DEDD2: variants seen among roughly 807,000 people sequenced by gnomAD.
The protein encoded by DEDD2 is death effector domain containing 2, also known as DNA-binding death effector domain-containing protein 2.
DEDD2 carries 18 observed loss-of-function variants against 28.9 expected under a neutral mutation model. The observed-to-expected ratio is 0.62, with a 90% CI of 0.43 to 0.92. The LOEUF is 0.92. Ranked by LOEUF, DEDD2 falls within the 40% of genes least tolerant of loss-of-function variation. DEDD2 has a pLI of 0.00. For missense variants in DEDD2, 411 were observed against 463.3 expected (o/e 0.89, Z 1.04); for synonymous variants, 211 against 206.1 (o/e 1.02, Z -0.20).
chr19:42,220,059 G>C (rs2036102180), upstream of DEDD2: 1 of 152,278 alleles, frequency 6.6e-6, no homozygotes. Flanking sequence ...TTCACTCCAT[G>C]GGCCCAACGC....
chr19:42,217,174 CT>C (rs1011972666), intron 1 of DEDD2, 129 bp from the exon 2 acceptor site: 3 of 674,396 alleles, frequency 4.4e-6, no homozygotes, highest in African/African-American at 3.7e-5. Context: ...CCGCCTCGGC[CT>C]CCCCCTCCCC....
intron 3 of DEDD2, 115 bp from the exon 4 acceptor site, chr19:42,209,955 T>C: frequency 1.5e-6 from 2 of 1,334,602 alleles, no homozygotes; most frequent in East Asian, 2.8e-5. Flanking sequence ...AGTGAGCCAG[T>C]CTGCCTCCCT....
At position 42,199,957 on chromosome 19, in the gene DEDD2, C is replaced by T; in HGVS notation, c.590-128G>A. The T allele has an allele frequency of 7.3e-7, 1 of 1,374,682 alleles. No individual in the cohort carries two copies. Among genetic ancestry groups the T allele is most frequent in the Non-Finnish European group, 9.7e-7 (1 of 1,031,340 alleles). 85.2% of individuals were successfully genotyped at this position (1,374,682 alleles called of 1,614,324 possible). A position where few individuals can be genotyped will look rare whatever the true frequency, so the allele number is the denominator to read the frequency against. ...CGGTAGCCACACCCTAGTCCTGACA[C>T]AGCCTCCCCGGCTCTGTGGGGTTCC... On this transcript the variant is annotated intron_variant, in intron 4 of 4. Coordinates refer to ENST00000596251, the MANE Select transcript of DEDD2 (RefSeq NM_133328.4). This position sits in a 1 kb window ranked among gnomAD's most constrained non-coding sequence, Gnocchi z 7.4.
chr19:42,199,859 G>A lies in DEDD2; in HGVS notation c.590-30C>T, dbSNP rs1233421675. The A allele has an allele frequency of 1.3e-6, 2 of 1,558,484 alleles. No homozygotes were observed. Among genetic ancestry groups the A allele is most frequent in the South Asian group, 1.2e-5 (1 of 84,624 alleles). ...AGGGGAAGGAGGGATTTGTCAGGGA[G>A]GGGGCCAACACTAGACACACTTATG... On this transcript the variant is annotated intron_variant, in intron 4 of 4. Coordinates refer to ENST00000596251, the MANE Select transcript of DEDD2 (RefSeq NM_133328.4). This position sits in a 1 kb window ranked among gnomAD's most constrained non-coding sequence, Gnocchi z 7.4.
Position 42,206,298 on chromosome 19 carries a change from G to A in DEDD2, c.589+3402C>T, listed in dbSNP as rs2035531861. On this transcript the variant is annotated intron_variant, in intron 4 of 4. Coordinates refer to ENST00000596251, the MANE Select transcript of DEDD2 (RefSeq NM_133328.4). ...TTGCCATCCTCCACGCTGCCCTTGA[G>A]CACTGGCACATCCCACTTGGGCCTG... is the stretch of plus-strand genomic sequence containing the variant. Among the ~76,000 whole-genome samples, 3 of 151,864 alleles carry A rather than the reference G, an allele frequency of 2.0e-5. No homozygotes were observed. The South Asian group carries it at 6.2e-4, about 32-fold the overall frequency.
intron 4 of DEDD2, chr19:42,201,825 G>A (rs2035342260): frequency 2.5e-6 from 1 of 394,490 alleles, no homozygotes; most frequent in Non-Finnish European, 4.5e-6. Context: ...TCTCTACCCA[G>A]ACGACCAGAT....
chr19:42,199,962 T>TC lies in DEDD2; in HGVS notation c.590-134dup. ...GCCACACCCTAGTCCTGACACAGCC[T>TC]CCCCGGCTCTGTGGGGTTCCCTGAC... On this transcript the variant is annotated intron_variant, in intron 4 of 4. Transcript: ENST00000596251. This position sits in a 1 kb window ranked among gnomAD's most constrained non-coding sequence, Gnocchi z 7.4. 1 of 1,351,930 alleles carries TC rather than the reference T, an allele frequency of 7.4e-7. No individual in the cohort carries two copies. Among genetic ancestry groups the TC allele is most frequent in the Non-Finnish European group, 9.9e-7 (1 of 1,012,090 alleles). 83.7% of individuals were successfully genotyped at this position (1,351,930 alleles called of 1,614,324 possible). A position where few individuals can be genotyped will look rare whatever the true frequency, so the allele number is the denominator to read the frequency against.
chr19:42,208,578 C>G (rs572826957), intron 4 of DEDD2, among the ~76,000 whole-genome samples: 4 of 152,366 alleles, frequency 2.6e-5, no homozygotes, highest in African/African-American at 9.6e-5. Context: ...CTGCTCAAAA[C>G]CCACTGCCAG....
chr19:42,217,153 C>G, intron 1 of DEDD2, 108 bp from the exon 2 acceptor site: 3 of 820,440 alleles, frequency 3.7e-6, no homozygotes, highest in Non-Finnish European at 5.7e-6. Flanking sequence ...GGGCCGCTCC[C>G]GCACCCCCAA....
chr19:42,212,425 G>A (rs1410845303), intron 3 of DEDD2, among the ~76,000 whole-genome samples: 1 of 150,506 alleles, frequency 6.6e-6, no homozygotes, highest in South Asian at 2.1e-4. Flanking sequence ...TCGTTCTGTT[G>A]CCCGGGCTGG....
chr19:42,210,867 G>A (rs981517961), intron 3 of DEDD2, among the ~76,000 whole-genome samples: 14 of 151,812 alleles, frequency 9.2e-5, no homozygotes, highest in Middle Eastern at 3.4e-3. Flanking sequence ...TCAGGAGTTC[G>A]AGACCAGTTT....
At chr19:42,215,000 A>AACACACAC (rs35862480) in intron 3 of DEDD2, 133 bp downstream of exon 3, 30 of 1,041,408 alleles carry the variant, frequency 2.9e-5, no homozygotes, top group East Asian at 5.4e-5. Context: ...TGTAGCAATA[A>AACACACAC]ACACACACAC....
At chr19:42,212,228 T>C (rs1366987333) in intron 3 of DEDD2, among the ~76,000 whole-genome samples, 1 of 151,336 alleles carries the variant, frequency 6.6e-6, no homozygotes. Flanking sequence ...CAGCTGGATA[T>C]GGTGGTGTGT....
chr19:42,199,298 G>T lies in DEDD2; in HGVS notation c.*140C>A. On this transcript the variant is annotated 3_prime_UTR_variant, in exon 5 of 5. Transcript: ENST00000596251. This position sits in a 1 kb window ranked among gnomAD's most constrained non-coding sequence, Gnocchi z 7.4. ...GAGCCCACATCCTGTGGGAGGGGCT[G>T]TCAAGGGGCCTGCTGTCCCGGTCCT... 7.8e-7 allele frequency: 1 copy of T among 1,286,174 alleles called. No homozygotes were observed. Among genetic ancestry groups the T allele is most frequent in the Non-Finnish European group, 1.0e-6 (1 of 965,140 alleles). The allele number at this position is 1,286,174 out of a possible 1,614,324, so 79.7% of individuals were successfully genotyped here.
chr19:42,207,185 G>A (rs1344995713), intron 4 of DEDD2, among the ~76,000 whole-genome samples: 1 of 152,172 alleles, frequency 6.6e-6, no homozygotes, highest in Non-Finnish European at 1.5e-5. Context: ...ATAGCTGCCT[G>A]AGGACCCAGG....
chr19:42,210,320 A>C (rs551563986), intron 3 of DEDD2, among the ~76,000 whole-genome samples: 1 of 152,302 alleles, frequency 6.6e-6, no homozygotes, highest in East Asian at 1.9e-4. Flanking sequence ...GAAACACTAG[A>C]AGCACAGACT....
In DEDD2 at chr19:42,212,613, C is replaced by A. The variant is rs374040357; in HGVS notation, c.448+2520G>T. Among the ~76,000 whole-genome samples, 53 of 152,006 alleles carry A rather than the reference C, an allele frequency of 3.5e-4. No homozygotes were observed. The South Asian group carries it at 0.011, about 32-fold the overall frequency. On this transcript the variant is annotated intron_variant, in intron 3 of 4. Coordinates refer to ENST00000596251, the MANE Select transcript of DEDD2 (RefSeq NM_133328.4). ...CTGAATAGCTGGGACTACACGTGCA[C>A]ATCACCATGCCAGGCTAATTTTTAT...
intron 4 of DEDD2, among the ~76,000 whole-genome samples, chr19:42,205,261 A>G (rs1048898150): frequency 2.6e-5 from 4 of 152,200 alleles, no homozygotes; most frequent in African/African-American, 9.7e-5. Flanking sequence ...TACATTTATA[A>G]AACAACTGAA....
rs946144827 is a variant in DEDD2 at position 42,198,820 on chromosome 19, G to C, written c.*618C>G. ...GTCTATGTTCAGCTCTGGACAGCAG[G>C]GGGGAAGGTGAGGAGAGTCAGGTCT... On this transcript the variant is annotated 3_prime_UTR_variant, in exon 5 of 5. Transcript: ENST00000596251. 6.5e-6 allele frequency: 1 copy of C among 153,312 alleles called. No homozygotes were observed. The highest frequency in any genetic ancestry group is 1.5e-5 in the Non-Finnish European group (1 of 68,810). The allele number at this position is 153,312 out of a possible 1,614,324, so 9.5% of individuals were successfully genotyped here. A position where few individuals can be genotyped will look rare whatever the true frequency, so the allele number is the denominator to read the frequency against.
Sources: allele counts gnomAD v4.1 joint callset (sites outside exome capture counted in the v4.1 genomes callset), GRCh38; gene constraint gnomAD v4.1.1; non-coding constraint Gnocchi (gnomAD v3.1); transcripts MANE v1.5; gene names NCBI Gene and HGNC (gene_info 2026-07-23, HGNC 2026-07-21).